Variants in LRRTM4 observed in about 807,000 individuals in gnomAD.
LRRTM4 encodes leucine-rich repeat transmembrane neuronal protein 4.
LRRTM4 carries 25 observed loss-of-function variants against 47.6 expected under a neutral mutation model. That is an observed-to-expected ratio of 0.53 (90% CI 0.38 to 0.73). The LOEUF (loss-of-function observed/expected upper bound fraction) is 0.73, where lower values mean the gene tolerates loss of function less well. LRRTM4 is among the 30% of genes least tolerant of loss of function. The pLI is 0.00. For synonymous variants in LRRTM4, 311 were observed against 269.5 expected (o/e 1.15, Z -1.51); for missense variants, 638 against 713.4 (o/e 0.89, Z 1.20).
intron 3 of LRRTM4, among the ~76,000 whole-genome samples, chr2:77,345,590 C>CTT (rs1413597542): frequency 6.6e-6 from 1 of 151,870 alleles, no homozygotes; most frequent in East Asian, 1.9e-4. Context: ...CAAACTAAAA[C>CTT]TATAATGACA....
At chr2:76,815,815 G>A (rs955990073) in intron 3 of LRRTM4, among the ~76,000 whole-genome samples, 1 of 151,996 alleles carries the variant, frequency 6.6e-6, no homozygotes, top group African/African-American at 2.4e-5. Context: ...AAAACATAAA[G>A]GAATACAAAT....
chr2:76,814,377 T>C (rs1056113471), intron 3 of LRRTM4, among the ~76,000 whole-genome samples: 10 of 149,098 alleles, frequency 6.7e-5, no homozygotes, highest in African/African-American at 2.4e-4. Context: ...TAATTTATTA[T>C]TGAAGAAAAA....
chr2:77,485,711 C>A, intron 3 of LRRTM4, among the ~76,000 whole-genome samples: 1 of 152,114 alleles, frequency 6.6e-6, no homozygotes, highest in East Asian at 1.9e-4. Context: ...TCATACACTT[C>A]TTCAAAGGAG....
chr2:76,968,094 C>T (rs1676087776), intron 3 of LRRTM4, among the ~76,000 whole-genome samples: 1 of 150,848 alleles, frequency 6.6e-6, no homozygotes, highest in Non-Finnish European at 1.5e-5. Flanking sequence ...TTATATCGCA[C>T]AGATCTATCT....
At chr2:77,071,444 T>A (rs1680152844) in intron 3 of LRRTM4, among the ~76,000 whole-genome samples, 1 of 152,174 alleles carries the variant, frequency 6.6e-6, no homozygotes, top group Non-Finnish European at 1.5e-5. Flanking sequence ...TCTCTGGTAT[T>A]TCATATATTC....
chr2:76,906,532 A>G (rs1294280230), intron 3 of LRRTM4, among the ~76,000 whole-genome samples: 1 of 152,210 alleles, frequency 6.6e-6, no homozygotes, highest in Non-Finnish European at 1.5e-5. Flanking sequence ...AAATGCTCCA[A>G]TCAAAAGACA....
chr2:77,361,122 G>C lies in LRRTM4; in HGVS notation c.1551+157196C>G, dbSNP rs114938714. ...CCAGATCCTCCTCAATATGTCCCTA[G>C]TTGGTTCTTTATCAGCTCCTTCAGT... On this transcript the variant is annotated intron_variant, in intron 3 of 3. Coordinates refer to ENST00000409884, the MANE Select transcript of LRRTM4 (RefSeq NM_001134745.3). Among the ~76,000 whole-genome samples the C allele has an allele frequency of 4.0e-3, 604 of 151,652 alleles. 6 individuals carry two copies. Among genetic ancestry groups the C allele is most frequent in the African/African-American group, 0.014 (575 of 41,360 alleles).
chr2:76,854,812 C>T (rs892614995), intron 3 of LRRTM4, among the ~76,000 whole-genome samples: 3 of 143,984 alleles, frequency 2.1e-5, no homozygotes, highest in Non-Finnish European at 4.6e-5. Flanking sequence ...AAAGAAAATC[C>T]TTTTTTTTTT....
intron 3 of LRRTM4, among the ~76,000 whole-genome samples, chr2:76,833,759 C>A (rs985811677): frequency 7.9e-5 from 12 of 151,536 alleles, no homozygotes; most frequent in East Asian, 1.9e-4. Flanking sequence ...GAAAATGAGA[C>A]AATTTTAAAT....
chr2:77,013,118 C>T lies in LRRTM4; in HGVS notation c.1552-264202G>A, dbSNP rs189277234. Among the ~76,000 whole-genome samples, 184 of 152,244 alleles carry T rather than the reference C, an allele frequency of 1.2e-3. 2 individuals are homozygous for T. The highest frequency in any genetic ancestry group is 2.9e-3 in the Admixed American group (44 of 15,290). On this transcript the variant is annotated intron_variant, in intron 3 of 3. Coordinates refer to ENST00000409884, the MANE Select transcript of LRRTM4 (RefSeq NM_001134745.3). ...TTTTTCTTTTTTTCCTTCAGCTTTC[C>T]CATTGAGATAGATCATTACACAAAG...
In LRRTM4 at chr2:76,942,396, C is replaced by T. The variant is rs551681554; in HGVS notation, c.1552-193480G>A. Among the ~76,000 whole-genome samples, 9 of 151,748 alleles carry T rather than the reference C, an allele frequency of 5.9e-5. No homozygotes were observed. The South Asian group carries it at 1.3e-3, about 21-fold the overall frequency. On this transcript the variant is annotated intron_variant, in intron 3 of 3. Transcript: ENST00000409884. ...TAAAAGCATAGTATGTGCCAGCTGA[C>T]GGGGTGTTAAGATTTAAAGATCATT...
At chr2:77,369,289 G>A (rs995321245) in intron 3 of LRRTM4, among the ~76,000 whole-genome samples, 2 of 151,400 alleles carry the variant, frequency 1.3e-5, no homozygotes, top group Non-Finnish European at 3.0e-5. Flanking sequence ...TTGTTAGTTT[G>A]ATATAGTCCC....
intron 3 of LRRTM4, among the ~76,000 whole-genome samples, chr2:76,904,865 GA>G (rs1163837792): frequency 6.6e-6 from 1 of 152,182 alleles, no homozygotes; most frequent in Non-Finnish European, 1.5e-5. Flanking sequence ...AAAGTGTTTT[GA>G]AAAGGCATCA....
intron 3 of LRRTM4, among the ~76,000 whole-genome samples, chr2:76,792,198 T>C (rs1675010369): frequency 6.6e-6 from 1 of 152,056 alleles, no homozygotes; most frequent in Non-Finnish European, 1.5e-5. Flanking sequence ...ATACTTTACC[T>C]GTAGTATAAT....
chr2:77,503,586 G>A (rs1363193332), intron 3 of LRRTM4, among the ~76,000 whole-genome samples: 2 of 151,594 alleles, frequency 1.3e-5, no homozygotes, highest in African/African-American at 4.8e-5. Flanking sequence ...TGAATAAATG[G>A]TAGTGTATTC....
chr2:76,837,242 T>A (rs921958890), intron 3 of LRRTM4, among the ~76,000 whole-genome samples: 1 of 151,738 alleles, frequency 6.6e-6, no homozygotes, highest in African/African-American at 2.4e-5. Flanking sequence ...CCCTTTATCA[T>A]TTTTTATTGC....
chr2:76,831,415 C>T (rs1216155078), intron 3 of LRRTM4, among the ~76,000 whole-genome samples: 1 of 152,078 alleles, frequency 6.6e-6, no homozygotes, highest in Non-Finnish European at 1.5e-5. Flanking sequence ...TGTTCTACAC[C>T]ACCTGGTATT....
Position 77,407,634 on chromosome 2 carries a change from TATTA to T in LRRTM4, c.1551+110680_1551+110683del, listed in dbSNP as rs1558728740. On this transcript the variant is annotated intron_variant, in intron 3 of 3. Coordinates refer to ENST00000409884, the MANE Select transcript of LRRTM4 (RefSeq NM_001134745.3). ...ATATATAATATAATATATGATATAT[TATTA>T]TATAATATATATTATATAATTATAT... Among the ~76,000 whole-genome samples the T allele has an allele frequency of 9.3e-4, 115 of 124,024 alleles. 1 individual carries two copies. Among genetic ancestry groups the T allele is most frequent in the African/African-American group, 3.4e-3 (109 of 31,664 alleles). 81.4% of individuals were successfully genotyped at this position (124,024 alleles called of 152,430 possible). A position where few individuals can be genotyped will look rare whatever the true frequency, so the allele number is the denominator to read the frequency against.
At chr2:77,430,559 TA>T (rs1378030370) in intron 3 of LRRTM4, among the ~76,000 whole-genome samples, 1 of 149,480 alleles carries the variant, frequency 6.7e-6, no homozygotes, top group South Asian at 2.1e-4. Flanking sequence ...CTGTCTCTAC[TA>T]AAAATACAAA....
Sources: allele counts gnomAD v4.1 joint callset (sites outside exome capture counted in the v4.1 genomes callset), GRCh38; gene constraint gnomAD v4.1.1; transcripts MANE v1.5; gene names NCBI Gene and HGNC (gene_info 2026-07-23, HGNC 2026-07-21).